The following POLR1A variants were observed in gnomAD, a reference collection of about 807,000 sequenced individuals.
POLR1A encodes the protein DNA-directed RNA polymerase I subunit RPA1.
In POLR1A, 84 loss-of-function variants were observed where a neutral mutation model predicts 205.3. The observed-to-expected ratio is 0.41, with a 90% CI of 0.34 to 0.49. The LOEUF (loss-of-function observed/expected upper bound fraction) is 0.49. Among genes scored for constraint, POLR1A ranks in the 20% least tolerant of loss-of-function variants. POLR1A has a pLI of 0.22. For synonymous variants in POLR1A, 799 were observed against 863.7 expected (o/e 0.93, Z 1.31); for missense variants, 1,645 against 2,204.5 (o/e 0.75, Z 5.08).
rs551123810 is a variant in POLR1A, at chr2:86,044,035, T to C, written c.3135+104A>G. The C allele has an allele frequency of 7.5e-5, 80 of 1,071,832 alleles. No homozygotes were observed. In the African/African-American group the frequency reaches 1.0e-3, roughly 14 times the overall value. The allele number at this position is 1,071,832 out of a possible 1,614,324, so 66.4% of individuals were successfully genotyped here. On this transcript the variant is annotated intron_variant, in intron 22 of 33. Coordinates refer to ENST00000263857, the MANE Select transcript of POLR1A (RefSeq NM_015425.6). ...AAACCCTTCCCACTCTACTTTCCAATGGCCACTTGGACTGGGTTGCAAAGC... is the reference window on the plus strand; with the variant it reads ...AAACCCTTCCCACTCTACTTTCCAACGGCCACTTGGACTGGGTTGCAAAGC...
intron 3 of POLR1A, among the ~76,000 whole-genome samples, chr2:86,097,013 T>A (rs1361167313): frequency 6.6e-6 from 1 of 151,334 alleles, no homozygotes; most frequent in East Asian, 1.9e-4. Flanking sequence ...AACTCAAACA[T>A]CTCAACAGCA....
chr2:86,039,224 G>A (rs1401937061), intron 26 of POLR1A, 103 bp downstream of exon 26: 8 of 1,285,276 alleles, frequency 6.2e-6, no homozygotes, highest in South Asian at 1.3e-5. Flanking sequence ...GTGGGAATCT[G>A]AGCCTAGGGT....
Position 86,028,775 on chromosome 2 carries a change from A to G in POLR1A, c.4780-64T>C. Reference sequence around the variant, plus strand: ...GCCTTCTGCTCCCTTCTGCCTGCGTATCTCCCCCTGGCCGCTCTCTCTCTC... The same window carrying G: ...GCCTTCTGCTCCCTTCTGCCTGCGTGTCTCCCCCTGGCCGCTCTCTCTCTC... On this transcript the variant is annotated intron_variant, in intron 31 of 33. Coordinates refer to ENST00000263857, the MANE Select transcript of POLR1A (RefSeq NM_015425.6). The surrounding 1 kb of genome is among the most constrained non-coding windows in gnomAD (Gnocchi z 4.5). 8.4e-7 allele frequency: 1 copy of G among 1,197,358 alleles called. No individual in the cohort carries two copies. Among genetic ancestry groups the G allele is most frequent in the Non-Finnish European group, 1.2e-6 (1 of 808,780 alleles). 74.2% of individuals were successfully genotyped at this position (1,197,358 alleles called of 1,614,324 possible).
intron 6 of POLR1A, among the ~76,000 whole-genome samples, chr2:86,084,376 C>T (rs1255041691): frequency 6.6e-6 from 1 of 151,542 alleles, no homozygotes; most frequent in Admixed American, 6.6e-5. Context: ...GAGATCGTAT[C>T]GCTGCACTCC....
chr2:86,065,251 A>T, intron 14 of POLR1A, 23 bp downstream of exon 14: 1 of 1,604,464 alleles, frequency 6.2e-7, no homozygotes, highest in Non-Finnish European at 8.5e-7. Flanking sequence ...TGTTACATAC[A>T]CTGGCTGTTC....
chr2:86,070,719 T>G lies in POLR1A; in HGVS notation c.1612-447A>C, dbSNP rs985127910. ...ATCCCCCCCCCGCCGTGATCACATG[T>G]GAGTACATTATTCTAAACAGAAATT... On this transcript the variant is annotated intron_variant, in intron 12 of 33. Coordinates refer to ENST00000263857, the MANE Select transcript of POLR1A (RefSeq NM_015425.6). This position sits in a 1 kb window ranked among gnomAD's most constrained non-coding sequence, Gnocchi z 4.4. Among the ~76,000 whole-genome samples, 1 of 140,196 alleles carries G rather than the reference T, an allele frequency of 7.1e-6. No individual in the cohort carries two copies. The highest frequency in any genetic ancestry group is 1.5e-5 in the Non-Finnish European group (1 of 65,148). 92.0% of individuals were successfully genotyped at this position (140,196 alleles called of 152,430 possible).
At chr2:86,031,992 C>G (rs955305985) in intron 29 of POLR1A, among the ~76,000 whole-genome samples, 7 of 152,294 alleles carry the variant, frequency 4.6e-5, no homozygotes, top group Middle Eastern at 3.4e-3. Flanking sequence ...GGCAGCCTGA[C>G]TTTTTCTTGC....
chr2:86,065,373 A>G lies in POLR1A; in HGVS notation c.1959T>C (p.Tyr653=), dbSNP rs1461951466. ...TRGCFFTREH[Y]MELVYRGLTD... ...TGAGTCCTCGGTACACCAGCTCCAT[A>G]TAGTGCTCCCGGGTGAAAAAGCAAC... The change falls in exon 14 of 34, where the codon TAT becomes TAC. Residue 653 remains tyrosine (Y), a synonymous_variant. Coordinates refer to ENST00000263857, the MANE Select transcript of POLR1A (RefSeq NM_015425.6). The G allele has an allele frequency of 1.9e-6, 3 of 1,614,158 alleles. No homozygotes were observed. The highest frequency in any genetic ancestry group is 2.2e-5 in the East Asian group (1 of 44,892).
chr2:86,073,286 A>T (rs1179680407), intron 12 of POLR1A, among the ~76,000 whole-genome samples: 1 of 152,086 alleles, frequency 6.6e-6, no homozygotes, highest in East Asian at 1.9e-4. Context: ...GCTTCTGTAA[A>T]TAAAGTTTGA....
intron 18 of POLR1A, among the ~76,000 whole-genome samples, chr2:86,048,574 T>C (rs561594728): frequency 1.3e-5 from 2 of 152,182 alleles, no homozygotes; most frequent in Non-Finnish European, 2.9e-5. Flanking sequence ...CCCTGCTTAT[T>C]CACCCCTGGT....
intron 2 of POLR1A, 23 bp from the exon 3 acceptor site, chr2:86,098,783 A>G: frequency 1.2e-6 from 2 of 1,612,962 alleles, no homozygotes; most frequent in Non-Finnish European, 1.7e-6. Flanking sequence ...AATAAAAACA[A>G]ACAGGATATT....
intron 14 of POLR1A, among the ~76,000 whole-genome samples, chr2:86,063,043 A>G (rs2104406763): frequency 6.6e-6 from 1 of 152,296 alleles, no homozygotes; most frequent in East Asian, 1.9e-4. Context: ...TTAATTGAAA[A>G]TCTTCCCACA....
chr2:86,062,275 C>A (rs1351708573), intron 14 of POLR1A, among the ~76,000 whole-genome samples: 1 of 152,098 alleles, frequency 6.6e-6, no homozygotes, highest in East Asian at 1.9e-4. Flanking sequence ...CAATGAAAAA[C>A]TTCACCCATG....
chr2:86,097,214 C>CAAAAAAAAAAAAA (rs757210116), intron 3 of POLR1A, among the ~76,000 whole-genome samples: 749 of 39,698 alleles, frequency 0.019, 271 homozygotes, highest in South Asian at 0.028. Context: ...CCCCAAAAGA[C>CAAAAAAAAAAAAA]AAAAAAAAAA....
intron 1 of POLR1A, among the ~76,000 whole-genome samples, chr2:86,103,049 C>G (rs1673851243): frequency 6.6e-6 from 1 of 152,174 alleles, no homozygotes; most frequent in Admixed American, 6.6e-5. Flanking sequence ...AGGAAACAGA[C>G]AAGAACTGCT....
intron 9 of POLR1A, among the ~76,000 whole-genome samples, chr2:86,079,877 T>C (rs954148291): frequency 9.9e-5 from 15 of 152,150 alleles, no homozygotes; most frequent in Admixed American, 9.2e-4. Flanking sequence ...GCCCGATTTT[T>C]AAGGGACATC....
chr2:86,035,444 A>G (rs1040203143), intron 27 of POLR1A, among the ~76,000 whole-genome samples: 5 of 152,172 alleles, frequency 3.3e-5, no homozygotes, highest in African/African-American at 1.2e-4. Context: ...CATCTGCAAC[A>G]TGGGATCACT....
chr2:86,038,807 C>G lies in POLR1A; in HGVS notation c.3927G>C (p.Gln1309His), dbSNP rs2289238. Reference sequence around the variant, plus strand: ...GCAGCTGGTACACCTGGAATTTGTTCTGTTTTTCTTCCATACAGAAGGACT... The same window carrying G: ...GCAGCTGGTACACCTGGAATTTGTTGTGTTTTTCTTCCATACAGAAGGACT... ...VQESFCMEEKQNKFQVYQLRF... is the reference protein window; with the variant it reads ...VQESFCMEEKHNKFQVYQLRF... The change falls in exon 27 of 34, where the codon CAG (glutamine) becomes CAC (histidine). Residue 1309 changes from glutamine (Q) to histidine (H), a missense_variant. By Grantham distance (24) the Gln-to-His change is conservative (BLOSUM62 0). This residue lies in a region of POLR1A where 394 missense variants were observed against 468.5 expected (regional missense o/e 0.84). Coordinates refer to ENST00000263857, the MANE Select transcript of POLR1A (RefSeq NM_015425.6). The G allele has an allele frequency of 5.6e-6, 9 of 1,613,934 alleles. No homozygotes were observed. In the East Asian group the frequency reaches 2.0e-4, roughly 36 times the overall value.
chr2:86,038,285 C>G (rs1250645911), intron 27 of POLR1A, among the ~76,000 whole-genome samples: 1 of 152,232 alleles, frequency 6.6e-6, no homozygotes, highest in African/African-American at 2.4e-5. Context: ...AATCTAAATG[C>G]ATCAGGAACC....
Sources: allele counts gnomAD v4.1 joint callset (sites outside exome capture counted in the v4.1 genomes callset), GRCh38; gene constraint gnomAD v4.1.1; regional missense constraint gnomAD v4.1.1; non-coding constraint Gnocchi (gnomAD v3.1); transcripts MANE v1.5; gene names NCBI Gene and HGNC (gene_info 2026-07-23, HGNC 2026-07-21).